Variants in PRKG1 observed in about 807,000 individuals in gnomAD.
The protein encoded by PRKG1 is cGMP-dependent protein kinase 1.
Under a neutral mutation model 88.1 loss-of-function variants are expected in PRKG1, and 35 were observed. That is an observed-to-expected ratio of 0.40 (90% CI 0.30 to 0.53). The LOEUF is 0.53. PRKG1 is among the 20% of genes least tolerant of loss of function. PRKG1 has a pLI of 0.59. For synonymous variants in PRKG1, 303 were observed against 292.5 expected (o/e 1.04, Z -0.37); for missense variants, 540 against 839.8 (o/e 0.64, Z 4.41).
At chr10:51,320,445 T>C (rs953047553) in intron 2 of PRKG1, 1 of 140,096 alleles carries the variant, frequency 7.1e-6, no homozygotes, top group African/African-American at 2.5e-5. Flanking sequence ...ATTTAACTGG[T>C]CAGAAGAAGG....
At chr10:52,209,694 C>T (rs1377268405) in intron 9 of PRKG1, among the ~76,000 whole-genome samples, 2 of 152,148 alleles carry the variant, frequency 1.3e-5, no homozygotes, top group East Asian at 3.9e-4. Flanking sequence ...TGCTTCTCCT[C>T]TAATTTTCTC....
At chr10:51,976,545 TG>T (rs1258189810) in intron 5 of PRKG1, among the ~76,000 whole-genome samples, 22 of 152,008 alleles carry the variant, frequency 1.4e-4, no homozygotes, top group African/African-American at 5.1e-4. Flanking sequence ...ATTGCCAAGA[TG>T]AGTCAAATCT....
At chr10:51,851,818 C>T (rs1840562276) in intron 4 of PRKG1, among the ~76,000 whole-genome samples, 1 of 151,952 alleles carries the variant, frequency 6.6e-6, no homozygotes, top group Admixed American at 6.6e-5. Context: ...TACACAGATA[C>T]CAAGGTTGGC....
At chr10:51,527,701 G>T (rs890801408) in intron 3 of PRKG1, among the ~76,000 whole-genome samples, 1 of 152,166 alleles carries the variant, frequency 6.6e-6, no homozygotes, top group Non-Finnish European at 1.5e-5. Context: ...AAACATTCAT[G>T]CCAAAGTTCC....
chr10:51,852,818 G>A (rs1041422330), intron 4 of PRKG1, among the ~76,000 whole-genome samples: 4 of 152,096 alleles, frequency 2.6e-5, no homozygotes, highest in Admixed American at 2.6e-4. Context: ...GAGTAACTTT[G>A]CTTTTATATG....
At chr10:51,245,829 G>A (rs192593844) in intron 2 of PRKG1, 1 of 152,010 alleles carries the variant, frequency 6.6e-6, no homozygotes, top group Admixed American at 6.6e-5. Context: ...TTTTAGTAAG[G>A]CTTCATAATA....
At chr10:51,766,098 A>G (rs1838154772) in intron 3 of PRKG1, among the ~76,000 whole-genome samples, 1 of 152,114 alleles carries the variant, frequency 6.6e-6, no homozygotes, top group African/African-American at 2.4e-5. Flanking sequence ...TCTTTGTCTC[A>G]TGGCCAAAAA....
intron 1 of PRKG1, among the ~76,000 whole-genome samples, chr10:51,049,242 G>C (rs1009930425): frequency 6.6e-6 from 1 of 152,084 alleles, no homozygotes; most frequent in African/African-American, 2.4e-5. Flanking sequence ...TGCCTAGGAA[G>C]AGAGAGACTT....
At chr10:51,542,681 C>A (rs1842337397) in intron 3 of PRKG1, among the ~76,000 whole-genome samples, 1 of 151,708 alleles carries the variant, frequency 6.6e-6, no homozygotes, top group Non-Finnish European at 1.5e-5. Context: ...TGATAGTCTG[C>A]AAACTATTAT....
intron 5 of PRKG1, among the ~76,000 whole-genome samples, chr10:52,041,409 C>A (rs1038775555): frequency 1.3e-5 from 2 of 152,104 alleles, no homozygotes; most frequent in African/African-American, 4.8e-5. Flanking sequence ...CATCTATGCT[C>A]ATCCAGAATG....
intron 1 of PRKG1, among the ~76,000 whole-genome samples, chr10:51,035,271 A>G (rs1843338941): frequency 1.3e-5 from 2 of 152,216 alleles, no homozygotes; most frequent in South Asian, 4.1e-4. Context: ...TATGTGAAAT[A>G]CATGCTGAAT....
At chr10:51,627,017 A>G (rs1310167152) in intron 3 of PRKG1, among the ~76,000 whole-genome samples, 1 of 152,146 alleles carries the variant, frequency 6.6e-6, no homozygotes, top group African/African-American at 2.4e-5. Flanking sequence ...TCTCTACCAC[A>G]AGAGATTCTC....
At chr10:51,428,598 G>A (rs1011153840) in intron 2 of PRKG1, among the ~76,000 whole-genome samples, 3 of 152,180 alleles carry the variant, frequency 2.0e-5, no homozygotes, top group Non-Finnish European at 4.4e-5. Flanking sequence ...TGAACCCTGG[G>A]TAAGGGCACT....
At chr10:51,044,986 A>G (rs1843468617) in intron 1 of PRKG1, among the ~76,000 whole-genome samples, 1 of 152,112 alleles carries the variant, frequency 6.6e-6, no homozygotes, top group African/African-American at 2.4e-5. Context: ...CTGTGCTATG[A>G]TATTTTAGTG....
At chr10:52,198,971 CTA>C (rs1839585162) in intron 9 of PRKG1, among the ~76,000 whole-genome samples, 1 of 152,206 alleles carries the variant, frequency 6.6e-6, no homozygotes, top group South Asian at 2.1e-4. Flanking sequence ...AGTTAACTGG[CTA>C]TGTTAGCACT....
intron 2 of PRKG1, among the ~76,000 whole-genome samples, chr10:51,205,859 T>C (rs1481141835): frequency 1.3e-5 from 2 of 152,192 alleles, no homozygotes; most frequent in African/African-American, 4.8e-5. Flanking sequence ...TGTTAGATTA[T>C]AAATCTAGAT....
chr10:51,131,446 A>C (rs1326915467), intron 1 of PRKG1, among the ~76,000 whole-genome samples: 1 of 152,166 alleles, frequency 6.6e-6, no homozygotes. Flanking sequence ...TGTTTAACCT[A>C]TTAAAACGGA....
At chr10:51,416,158 G>T (rs538728167) in intron 2 of PRKG1, among the ~76,000 whole-genome samples, 14 of 152,198 alleles carry the variant, frequency 9.2e-5, no homozygotes, top group African/African-American at 3.4e-4. Flanking sequence ...ATTTTATTTT[G>T]TATTTAGTGG....
intron 9 of PRKG1, among the ~76,000 whole-genome samples, chr10:52,163,117 T>A (rs1000407904): frequency 1.4e-5 from 2 of 142,258 alleles, no homozygotes; most frequent in African/African-American, 5.1e-5. Context: ...GTTTTTAAAG[T>A]TGTACAATGG....
Sources: allele counts gnomAD v4.1 joint callset (sites outside exome capture counted in the v4.1 genomes callset), GRCh38; gene constraint gnomAD v4.1.1; transcripts MANE v1.5; gene names NCBI Gene and HGNC (gene_info 2026-07-23, HGNC 2026-07-21).